UGT2B17: variants seen among roughly 807,000 people sequenced by gnomAD.
UGT2B17 encodes UDP-glucuronosyltransferase 2B17.
A neutral mutation model predicts 48.2 loss-of-function variants in UGT2B17; 21 were observed. That is an observed-to-expected ratio of 0.44 (90% CI 0.31 to 0.63). The LOEUF (loss-of-function observed/expected upper bound fraction) is 0.63. UGT2B17 is among the 20% of genes least tolerant of loss of function. The pLI is 0.08. For synonymous variants in UGT2B17, 146 were observed against 238.4 expected (o/e 0.61, Z 3.57); for missense variants, 402 against 696.1 (o/e 0.58, Z 4.75).
chr4:68,542,923 T>C lies in UGT2B17; in HGVS notation c.1314-5019A>G, dbSNP rs1277777092. Reference sequence around the variant, plus strand: ...GCGCCTGCCATTCCCATGGATTGAATAGGTAAACAAAGCGGCCCAGAAGCT... The same window carrying C: ...GCGCCTGCCATTCCCATGGATTGAACAGGTAAACAAAGCGGCCCAGAAGCT... On this transcript the variant is annotated intron_variant, in intron 6 of 6. Transcript: ENST00000317746. Among the ~76,000 whole-genome samples the C allele has an allele frequency of 1.6e-5, 2 of 126,164 alleles. 1 individual carries two copies. Among genetic ancestry groups the C allele is most frequent in the African/African-American group, 5.4e-5 (2 of 36,860 alleles). The allele number at this position is 126,164 out of a possible 152,430, so 82.8% of individuals were successfully genotyped here.
In UGT2B17 at chr4:68,547,316, A is replaced by G. The variant is rs916395921; in HGVS notation, c.1313+3361T>C. ...CTTTGACAAACCTTACAAAAACAAG[A>G]AATGGGGAAAGGATTCCCTATTTAA... On this transcript the variant is annotated intron_variant, in intron 6 of 6. Transcript: ENST00000317746. 1.6e-5 allele frequency among the ~76,000 whole-genome samples: 2 copies of G among 126,148 alleles called. 1 individual carries two copies. Among genetic ancestry groups the G allele is most frequent in the Non-Finnish European group, 3.4e-5 (2 of 59,564 alleles). The allele number at this position is 126,148 out of a possible 152,430, so 82.8% of individuals were successfully genotyped here.
Position 68,537,393 on chromosome 4 carries a change from A to T in UGT2B17, c.*232T>A. 6.6e-6 allele frequency: 2 copies of T among 302,352 alleles called. No individual in the cohort carries two copies. The highest frequency in any genetic ancestry group is 1.0e-5 in the Non-Finnish European group (2 of 196,902). The allele number at this position is 302,352 out of a possible 1,614,324, so 18.7% of individuals were successfully genotyped here. ...GATTAGAATAATAAATTTCAATATA[A>T]GCCCATAAGGTTTTATATTATTATT... On this transcript the variant is annotated 3_prime_UTR_variant, in exon 7 of 7. Transcript: ENST00000317746.
chr4:68,539,051 T>A lies in UGT2B17; in HGVS notation c.1314-1147A>T, dbSNP rs1488929797. On this transcript the variant is annotated intron_variant, in intron 6 of 6. Transcript: ENST00000317746. ...ACTGCTTCGTTCTTATTTTGCTATT[T>A]GATTTCTGGAACTTTAAAATATGTT... Among the ~76,000 whole-genome samples the A allele has an allele frequency of 1.6e-5, 2 of 126,560 alleles. 1 individual carries two copies. The highest frequency in any genetic ancestry group is 3.3e-5 in the Non-Finnish European group (2 of 59,768). The allele number at this position is 126,560 out of a possible 152,430, so 83.0% of individuals were successfully genotyped here.
chr4:68,570,328 T>G (rs1731279685), intron 1 of UGT2B17, among the ~76,000 whole-genome samples: 1 of 125,564 alleles, frequency 8.0e-6, no homozygotes, highest in Middle Eastern at 4.0e-3. Flanking sequence ...GGGCAGGGGG[T>G]TTTACAGTGT....
chr4:68,554,393 A>G (rs1730966506), intron 4 of UGT2B17, among the ~76,000 whole-genome samples: 1 of 125,988 alleles, frequency 7.9e-6, no homozygotes, highest in Non-Finnish European at 1.7e-5. Context: ...TAAGAGCCCT[A>G]AGGTTGTCCT....
intron 4 of UGT2B17, among the ~76,000 whole-genome samples, chr4:68,558,056 A>G (rs1243970879): frequency 8.1e-6 from 1 of 124,178 alleles, no homozygotes; most frequent in Non-Finnish European, 1.7e-5. Context: ...TTCTTTCTAT[A>G]AGACAAAGTT....
At chr4:68,547,346 T>C (rs373954646) in intron 6 of UGT2B17, among the ~76,000 whole-genome samples, 1 of 126,638 alleles carries the variant, frequency 7.9e-6, no homozygotes, top group African/African-American at 2.7e-5. Context: ...ATTTAATAAA[T>C]GGTGCTAGGA....
chr4:68,574,569 TTTAAA>T (rs199929250), intron 1 of UGT2B17, among the ~76,000 whole-genome samples: 1,876 of 127,260 alleles, frequency 0.015, 390 homozygotes, highest in African/African-American at 0.049. Flanking sequence ...CAGAATTTTC[TTTAAA>T]TTAACATTTT....
chr4:68,575,360 C>T lies in UGT2B17; in HGVS notation c.-65+591G>A, dbSNP rs988965535. ...GGCTTACAGGTTACCTTGTGCCATA[C>T]CTTAGAAACTAAAAAGACCTATCTA... On this transcript the variant is annotated intron_variant, in intron 1 of 6. Transcript: ENST00000317746. 1.7e-4 allele frequency among the ~76,000 whole-genome samples: 21 copies of T among 123,132 alleles called. 6 individuals are homozygous for T. Among genetic ancestry groups the T allele is most frequent in the Admixed American group, 1.7e-3 (20 of 11,930 alleles). The allele number at this position is 123,132 out of a possible 152,430, so 80.8% of individuals were successfully genotyped here.
chr4:68,567,977 GA>G lies in UGT2B17; in HGVS notation c.507del (p.Leu170CysfsTer33). ...CCAACAGAGAAGCGGAGACTGTACA[GA>G]AAGGGTATGTTAAGTAGCTCAGCCA... is the stretch of plus-strand genomic sequence containing the variant. ...ELLAELLNIP[F>X]LYSLRFSVGY... On this transcript the variant is annotated frameshift_variant, in exon 2 of 7. Coordinates refer to ENST00000317746, the MANE Select transcript of UGT2B17 (RefSeq NM_001077.4). LOFTEE classifies it high-confidence loss of function. The G allele has an allele frequency of 1.4e-6, 2 of 1,382,210 alleles. 1 individual carries two copies. Among genetic ancestry groups the G allele is most frequent in the Non-Finnish European group, 1.9e-6 (2 of 1,055,330 alleles). 85.6% of individuals were successfully genotyped at this position (1,382,210 alleles called of 1,614,324 possible).
chr4:68,558,660 G>C (rs1371021690), intron 4 of UGT2B17, among the ~76,000 whole-genome samples: 2 of 125,818 alleles, frequency 1.6e-5, no homozygotes, highest in African/African-American at 5.4e-5. Context: ...CTCAGGACCT[G>C]CTTAGGAATA....
rs1433289356 is a variant in UGT2B17 at position 68,565,608 on chromosome 4, T to A, written c.837A>T (p.Gly279=). The A allele has an allele frequency of 7.3e-7, 1 of 1,371,210 alleles. No individual in the cohort carries two copies. Among genetic ancestry groups the A allele is most frequent in the Admixed American group, 2.0e-5 (1 of 49,264 alleles). The allele number at this position is 1,371,210 out of a possible 1,614,324, so 84.9% of individuals were successfully genotyped here. A position where few individuals can be genotyped will look rare whatever the true frequency, so the allele number is the denominator to read the frequency against. ...GTTTGGCTGGTTTACAGTGAAGTCC[T>A]CCAACAAAATCAACATTTGGTAAGA... is the stretch of plus-strand genomic sequence containing the variant. ...RPFLPNVDFV[G]GLHCKPAKPL... The change falls in exon 3 of 7, where the codon GGA becomes GGT. Residue 279 remains glycine (G), a synonymous_variant. Coordinates refer to ENST00000317746, the MANE Select transcript of UGT2B17 (RefSeq NM_001077.4).
At position 68,550,778 on chromosome 4, in the gene UGT2B17, A is replaced by C; in HGVS notation, c.1212T>G (p.Ile404Met). Reference protein sequence around the residue: ...IPLFADQHDNIAHMKAKGAAL... With the variant: ...IPLFADQHDNMAHMKAKGAAL... Reference sequence around the variant, plus strand: ...CTGCTCCCTTGGCTTTCATGTGAGCAATGTTATCATGTTGATCCGCAAACA... The same window carrying C: ...CTGCTCCCTTGGCTTTCATGTGAGCCATGTTATCATGTTGATCCGCAAACA... Residue 404 changes from isoleucine to methionine, a missense_variant, in exon 6 of 7, where the codon ATT becomes ATG. Ile to Met is a conservative substitution (Grantham distance 10). Transcript: ENST00000317746. 1 of 1,388,484 alleles carries C rather than the reference A, an allele frequency of 7.2e-7. No homozygotes were observed. Among genetic ancestry groups the C allele is most frequent in the Non-Finnish European group, 9.4e-7 (1 of 1,063,594 alleles). The allele number at this position is 1,388,484 out of a possible 1,614,324, so 86.0% of individuals were successfully genotyped here.
At chr4:68,567,265 G>T (rs1316999280) in intron 2 of UGT2B17, among the ~76,000 whole-genome samples, 1 of 125,676 alleles carries the variant, frequency 8.0e-6, no homozygotes, top group African/African-American at 2.7e-5. Context: ...TCTGTTTCTG[G>T]AGTAGAGCCA....
Position 68,550,584 on chromosome 4 carries a change from A to C in UGT2B17, c.1313+93T>G. The stretch of plus-strand genomic sequence containing the variant: ...TTGGTTAAATCACTTCAATCCCTTC[A>C]AAATTAGTCTCTTAACAAAGGGTTC... On this transcript the variant is annotated intron_variant, in intron 6 of 6. Transcript: ENST00000317746. 2.0e-6 allele frequency: 2 copies of C among 990,180 alleles called. 1 individual carries two copies. The highest frequency in any genetic ancestry group is 2.7e-6 in the Non-Finnish European group (2 of 741,106). The allele number at this position is 990,180 out of a possible 1,614,324, so 61.3% of individuals were successfully genotyped here.
intron 5 of UGT2B17, among the ~76,000 whole-genome samples, chr4:68,551,586 C>A (rs1730914765): frequency 8.0e-6 from 1 of 125,046 alleles, no homozygotes; most frequent in African/African-American, 2.7e-5. Flanking sequence ...GGTAATTACA[C>A]CTGAATAAAG....
At chr4:68,543,971 G>T (rs1186578057) in intron 6 of UGT2B17, among the ~76,000 whole-genome samples, 1 of 126,614 alleles carries the variant, frequency 7.9e-6, no homozygotes, top group Non-Finnish European at 1.7e-5. Flanking sequence ...GTACCTGAAA[G>T]TGACGGGGAG....
rs1731191466 is a variant in UGT2B17, at chr4:68,565,923, A to C, written c.725-203T>G. ...AATACATTATATTAAATTAATGTAT[A>C]TTAAATAATATTAAATACATTATAT... is the stretch of plus-strand genomic sequence containing the variant. On this transcript the variant is annotated intron_variant, in intron 2 of 6. Coordinates refer to ENST00000317746, the MANE Select transcript of UGT2B17 (RefSeq NM_001077.4). 1.7e-5 allele frequency among the ~76,000 whole-genome samples: 2 copies of C among 119,292 alleles called. 1 individual carries two copies. The highest frequency in any genetic ancestry group is 7.4e-4 in the South Asian group (2 of 2,692). The allele number at this position is 119,292 out of a possible 152,430, so 78.3% of individuals were successfully genotyped here.
In UGT2B17 at chr4:68,544,706, T is replaced by C. The variant is rs1162747296; in HGVS notation, c.1313+5971A>G. Among the ~76,000 whole-genome samples, 11 of 125,686 alleles carry C rather than the reference T, an allele frequency of 8.8e-5. 3 individuals carry two copies. Among genetic ancestry groups the C allele is most frequent in the Non-Finnish European group, 6.7e-5 (4 of 59,500 alleles). The allele number at this position is 125,686 out of a possible 152,430, so 82.5% of individuals were successfully genotyped here. On this transcript the variant is annotated intron_variant, in intron 6 of 6. Transcript: ENST00000317746. Reference sequence around the variant, plus strand: ...TGCTGTATTCAGGAAACCCATCTCATGTGCAGAGACACACATAGGCTCAAA... The same window carrying C: ...TGCTGTATTCAGGAAACCCATCTCACGTGCAGAGACACACATAGGCTCAAA...
Sources: gnomAD v4.1 joint callset for allele counts (sites outside exome capture counted in the v4.1 genomes callset) on GRCh38, gnomAD v4.1.1 for gene constraint, MANE v1.5 for transcripts, NCBI Gene and HGNC (gene_info 2026-07-23, HGNC 2026-07-21) for gene names.